PALM2AKAP2: variants seen among roughly 807,000 people sequenced by gnomAD.
PALM2AKAP2 encodes PALM2-AKAP2 fusion protein.
A neutral mutation model predicts 71.5 loss-of-function variants in PALM2AKAP2; 37 were observed. The ratio of observed to expected loss-of-function variants is 0.52; its 90% confidence interval spans 0.40 to 0.68. The LOEUF is 0.68. Ranked by LOEUF, PALM2AKAP2 falls within the 30% of genes least tolerant of loss-of-function variation. The probability of loss-of-function intolerance (pLI) is 0.00; values close to 1 mark genes in which losing one functional copy is unlikely to be tolerated. For missense variants in PALM2AKAP2, 1,224 were observed against 1,191.8 expected, an observed-to-expected ratio of 1.03 and a Z score of -0.40; for synonymous variants, 468 against 478.8, an observed-to-expected ratio of 0.98 and a Z score of 0.29.
In PALM2AKAP2 at chr9:109,701,605, G is replaced by A. The variant is rs1436417981; in HGVS notation, c.5+60739G>A. ...TACAAAAATTAATTCAAGATGGATT[G>A]AAGACTTAAATGGTAGACCTAAAAC... On this transcript the variant is annotated intron_variant, in intron 1 of 6. Transcript: ENST00000374531. Among the ~76,000 whole-genome samples, 99 of 152,238 alleles carry A rather than the reference G, an allele frequency of 6.5e-4. 2 individuals are homozygous for A. The highest frequency in any genetic ancestry group is 6.4e-3 in the Admixed American group (98 of 15,278).
intron 1 of PALM2AKAP2, among the ~76,000 whole-genome samples, chr9:109,866,300 T>C (rs968474715): frequency 1.3e-5 from 2 of 152,218 alleles, no homozygotes; most frequent in Non-Finnish European, 2.9e-5. Context: ...AGGATTTGGC[T>C]GTTGTATTGT....
At chr9:109,917,970 GA>G (rs1830734371) in intron 3 of PALM2AKAP2, among the ~76,000 whole-genome samples, 1 of 152,220 alleles carries the variant, frequency 6.6e-6, no homozygotes, top group African/African-American at 2.4e-5. Flanking sequence ...TAGTTTGGAA[GA>G]GGGGGAGAAT....
intron 1 of PALM2AKAP2, among the ~76,000 whole-genome samples, chr9:109,759,659 G>A (rs149767509): frequency 3.6e-3 from 544 of 152,156 alleles, no homozygotes; most frequent in African/African-American, 0.012. Flanking sequence ...TTTTAAATGC[G>A]TCCTCCTCCA....
intron 3 of PALM2AKAP2, among the ~76,000 whole-genome samples, chr9:109,881,593 T>C (rs1173920215): frequency 1.3e-5 from 2 of 152,212 alleles, no homozygotes; most frequent in Non-Finnish European, 2.9e-5. Context: ...GGTTTCTTTA[T>C]GGTTCTCAAC....
At chr9:109,810,606 A>G (rs1587927770) in intron 1 of PALM2AKAP2, among the ~76,000 whole-genome samples, 1 of 152,314 alleles carries the variant, frequency 6.6e-6, no homozygotes, top group African/African-American at 2.4e-5. Context: ...ATGAGGCAGC[A>G]GGAGTGTTGA....
intron 1 of PALM2AKAP2, among the ~76,000 whole-genome samples, chr9:109,781,886 A>G (rs1826809789): frequency 6.6e-6 from 1 of 152,198 alleles, no homozygotes; most frequent in Admixed American, 6.5e-5. Context: ...GTTGGTGGCA[A>G]GGCAGCATGG....
At chr9:110,132,478 C>CACCA (rs1554755007) in intron 1 of PALM2AKAP2, among the ~76,000 whole-genome samples, 1 of 151,848 alleles carries the variant, frequency 6.6e-6, no homozygotes, top group Non-Finnish European at 1.5e-5. Context: ...TACAGGTGTA[C>CACCA]ACCACCATGC....
At position 110,137,941 on chromosome 9, in the gene PALM2AKAP2, T is replaced by A; in HGVS notation, c.1971T>A (p.Tyr657Ter). ...CGTTGGTTGATGACCCCTTGGAGTA[T>A]CAGGCTGGCCTCCTGGTGCAGAATG... Residue 657 changes from tyrosine (Y) to a stop codon, truncating the protein, a stop_gained, in exon 2 of 4, where the codon TAT (tyrosine) becomes TAA (stop). Coordinates refer to ENST00000374525, the Ensembl canonical transcript of PALM2AKAP2. LOFTEE classifies it high-confidence loss of function. 1 of 1,614,144 alleles carries A rather than the reference T, an allele frequency of 6.2e-7. No homozygotes were observed. The highest frequency in any genetic ancestry group is 8.5e-7 in the Non-Finnish European group (1 of 1,180,020).
intron 1 of PALM2AKAP2, among the ~76,000 whole-genome samples, chr9:110,111,896 C>G (rs1835262664): frequency 6.6e-6 from 1 of 152,094 alleles, no homozygotes; most frequent in Non-Finnish European, 1.5e-5. Flanking sequence ...TTGAAGCCCC[C>G]ACTCCCACAC....
upstream of PALM2AKAP2, among the ~76,000 whole-genome samples, chr9:109,778,771 T>TTTG (rs755803968): frequency 9.8e-6 from 1 of 101,914 alleles, no homozygotes; most frequent in Non-Finnish European, 2.3e-5. Context: ...GATGTGCATT[T>TTTG]TTTTTTTTTT....
intron 3 of PALM2AKAP2, among the ~76,000 whole-genome samples, chr9:110,161,668 A>G (rs528413900): frequency 6.6e-6 from 1 of 152,188 alleles, no homozygotes; most frequent in East Asian, 1.9e-4. Flanking sequence ...TAATGGAACA[A>G]CAGGTTACAA....
chr9:109,824,635 T>C (rs1431501046), intron 1 of PALM2AKAP2, among the ~76,000 whole-genome samples: 1 of 152,236 alleles, frequency 6.6e-6, no homozygotes, highest in Non-Finnish European at 1.5e-5. Flanking sequence ...TCTCCTTATG[T>C]TGCTTTTAGT....
chr9:109,768,172 G>T (rs1303669542), intron 1 of PALM2AKAP2, among the ~76,000 whole-genome samples: 3 of 151,162 alleles, frequency 2.0e-5, no homozygotes, highest in Admixed American at 2.0e-4. Flanking sequence ...GAAAGTAGGA[G>T]GGCAGGAGGG....
At chr9:110,164,634 G>A (rs544642048) in intron 3 of PALM2AKAP2, among the ~76,000 whole-genome samples, 2 of 150,734 alleles carry the variant, frequency 1.3e-5, no homozygotes, top group South Asian at 2.1e-4. Context: ...ATGCTCAGGC[G>A]AGTCTCATGC....
intron 1 of PALM2AKAP2, among the ~76,000 whole-genome samples, chr9:109,711,419 T>G (rs1023921715): frequency 3.9e-5 from 6 of 152,236 alleles, no homozygotes; most frequent in African/African-American, 1.4e-4. Flanking sequence ...ATCAATTAAT[T>G]AGATGTACAA....
intron 6 of PALM2AKAP2, among the ~76,000 whole-genome samples, chr9:109,972,522 G>T (rs1832087307): frequency 6.6e-6 from 1 of 152,186 alleles, no homozygotes; most frequent in African/African-American, 2.4e-5. Flanking sequence ...CTGGCTTCCT[G>T]TCTAGGCTCT....
chr9:109,879,495 A>G (rs2131752064), intron 2 of PALM2AKAP2, among the ~76,000 whole-genome samples: 1 of 152,194 alleles, frequency 6.6e-6, no homozygotes, highest in South Asian at 2.1e-4. Flanking sequence ...GGGACCATAT[A>G]AGTGGAACCT....
At chr9:110,158,539 G>A (rs1836517429) in intron 3 of PALM2AKAP2, among the ~76,000 whole-genome samples, 2 of 152,288 alleles carry the variant, frequency 1.3e-5, no homozygotes, top group South Asian at 2.1e-4. Context: ...AAGCTCTTTT[G>A]TGCACACGCT....
At chr9:109,933,208 C>T (rs995018984) in intron 6 of PALM2AKAP2, among the ~76,000 whole-genome samples, 1 of 152,198 alleles carries the variant, frequency 6.6e-6, no homozygotes, top group African/African-American at 2.4e-5. Context: ...TAAACAGGAA[C>T]CTGCAACCTG....
Sources: gnomAD v4.1 joint callset for allele counts (sites outside exome capture counted in the v4.1 genomes callset) on GRCh38, gnomAD v4.1.1 for gene constraint, MANE v1.5 for transcripts, NCBI Gene and HGNC (gene_info 2026-07-23, HGNC 2026-07-21) for gene names.